The following MIPEP variants were observed in gnomAD, a reference collection of about 807,000 sequenced individuals.
The protein encoded by MIPEP is mitochondrial intermediate peptidase.
In MIPEP, 79 loss-of-function variants were observed where a neutral mutation model predicts 90.3. The ratio of observed to expected loss-of-function variants is 0.87; its 90% CI spans 0.73 to 1.05. The LOEUF is 1.05. Ranked by LOEUF, MIPEP falls within the 50% of genes least tolerant of loss-of-function variation. The probability of loss-of-function intolerance (pLI) is 0.00; values close to 1 mark genes in which losing one functional copy is unlikely to be tolerated. For missense variants in MIPEP, 940 were observed against 905.6 expected (o/e 1.04, Z -0.49); for synonymous variants, 334 against 315.8 (o/e 1.06, Z -0.61).
intron 14 of MIPEP, among the ~76,000 whole-genome samples, chr13:23,830,264 C>T (rs1441501781): frequency 6.6e-6 from 1 of 152,078 alleles, no homozygotes; most frequent in African/African-American, 2.4e-5. Context: ...CAGCTACATG[C>T]AACACAGATT....
At chr13:23,806,113 C>T (rs1305469858) in intron 15 of MIPEP, 44 bp from the exon 16 acceptor site, 1 of 1,609,374 alleles carries the variant, frequency 6.2e-7, no homozygotes, top group Non-Finnish European at 8.5e-7. Context: ...CGTCCATCCT[C>T]ACATCAAGAT....
chr13:23,737,091 T>A (rs1952273410), intron 18 of MIPEP, among the ~76,000 whole-genome samples: 2 of 152,244 alleles, frequency 1.3e-5, no homozygotes, highest in South Asian at 4.1e-4. Context: ...CATTATTTCC[T>A]GATGCCACCC....
At chr13:23,878,979 G>A (rs1397173159) in intron 4 of MIPEP, among the ~76,000 whole-genome samples, 1 of 152,206 alleles carries the variant, frequency 6.6e-6, no homozygotes. Context: ...GGAGCTTGCA[G>A]TCTGGTGAGA....
At chr13:23,804,721 T>C (rs1328232669) in intron 16 of MIPEP, among the ~76,000 whole-genome samples, 1 of 152,232 alleles carries the variant, frequency 6.6e-6, no homozygotes, top group Non-Finnish European at 1.5e-5. Flanking sequence ...TCTCTTCCCA[T>C]GCATATTTGA....
intron 5 of MIPEP, among the ~76,000 whole-genome samples, chr13:23,871,915 G>GA (rs1004237820): frequency 3.3e-4 from 49 of 147,622 alleles, no homozygotes; most frequent in African/African-American, 7.9e-4. Context: ...CTTTTACTTT[G>GA]AAAAAAAAAA....
intron 16 of MIPEP, among the ~76,000 whole-genome samples, chr13:23,803,419 T>C (rs982147530): frequency 6.6e-6 from 1 of 152,174 alleles, no homozygotes; most frequent in African/African-American, 2.4e-5. Flanking sequence ...AAAATTCTTT[T>C]GTATTATCTT....
chr13:23,879,204 G>A lies in MIPEP; in HGVS notation c.539+64C>T, dbSNP rs898480016. ...GGCTGCAAGTACAGAGGCCCTGAGGGAGAGTCTCCCAACCTCACCTCTAGA... is the reference window on the plus strand; with the variant it reads ...GGCTGCAAGTACAGAGGCCCTGAGGAAGAGTCTCCCAACCTCACCTCTAGA... On this transcript the variant is annotated intron_variant, in intron 4 of 18. Transcript: ENST00000382172. 6 of 945,964 alleles carry A rather than the reference G, an allele frequency of 6.3e-6. No homozygotes were observed. In the East Asian group the frequency reaches 7.2e-5, roughly 11 times the overall value. 58.6% of individuals were successfully genotyped at this position (945,964 alleles called of 1,614,324 possible).
At chr13:23,831,770 C>T (rs1405165214) in intron 14 of MIPEP, among the ~76,000 whole-genome samples, 1 of 152,192 alleles carries the variant, frequency 6.6e-6, no homozygotes, top group Non-Finnish European at 1.5e-5. Context: ...CCTACCAATA[C>T]CACCATGTTG....
intron 18 of MIPEP, among the ~76,000 whole-genome samples, chr13:23,743,798 C>A (rs1160680437): frequency 6.6e-6 from 1 of 152,196 alleles, no homozygotes; most frequent in Non-Finnish European, 1.5e-5. Flanking sequence ...ATTAAACACG[C>A]ACACACCCTC....
intron 18 of MIPEP, among the ~76,000 whole-genome samples, chr13:23,731,557 G>C (rs1952204719): frequency 6.6e-6 from 1 of 152,156 alleles, no homozygotes; most frequent in African/African-American, 2.4e-5. Flanking sequence ...AAAACCGCAT[G>C]AAGTATCTTT....
chr13:23,815,574 G>T (rs766531130), intron 14 of MIPEP, among the ~76,000 whole-genome samples: 1 of 152,168 alleles, frequency 6.6e-6, no homozygotes, highest in Admixed American at 6.5e-5. Flanking sequence ...TTCCCAAACT[G>T]CTGGGATTAC....
chr13:23,790,596 G>A (rs1288765221), intron 16 of MIPEP, among the ~76,000 whole-genome samples: 3 of 149,736 alleles, frequency 2.0e-5, no homozygotes, highest in African/African-American at 7.3e-5. Context: ...AGGAGGGGGA[G>A]GCAATGTGAT....
intron 16 of MIPEP, among the ~76,000 whole-genome samples, chr13:23,775,595 T>A (rs778778375): frequency 1.3e-5 from 2 of 152,184 alleles, no homozygotes; most frequent in Non-Finnish European, 2.9e-5. Context: ...GTAGGGTCTA[T>A]GTGCATATAT....
chr13:23,881,565 AC>A, intron 3 of MIPEP, 133 bp downstream of exon 3: 1 of 721,758 alleles, frequency 1.4e-6, no homozygotes, highest in Non-Finnish European at 2.4e-6. Context: ...CCCTCCGGCC[AC>A]CCCTGGTCAC....
At chr13:23,788,013 T>C (rs1274747431) in intron 16 of MIPEP, among the ~76,000 whole-genome samples, 1 of 152,196 alleles carries the variant, frequency 6.6e-6, no homozygotes, top group Non-Finnish European at 1.5e-5. Context: ...GGGAGTCAGC[T>C]GGAGGAGGGT....
At chr13:23,748,981 G>A (rs373753297) in intron 18 of MIPEP, among the ~76,000 whole-genome samples, 9 of 152,346 alleles carry the variant, frequency 5.9e-5, no homozygotes, top group East Asian at 1.9e-4. Context: ...TGCATTTACT[G>A]TTCTCCTACA....
At chr13:23,886,172 T>C (rs192814179) in intron 2 of MIPEP, among the ~76,000 whole-genome samples, 161 bp downstream of exon 2, 26 of 152,158 alleles carry the variant, frequency 1.7e-4, no homozygotes, top group Non-Finnish European at 1.2e-4. Context: ...CCATTCCTAA[T>C]GACATATTTC....
At chr13:23,817,665 G>T (rs1430606098) in intron 14 of MIPEP, among the ~76,000 whole-genome samples, 1 of 152,124 alleles carries the variant, frequency 6.6e-6, no homozygotes, top group African/African-American at 2.4e-5. Context: ...CAAGAAGGTG[G>T]AGTCTGTGAG....
chr13:23,834,001 G>A (rs938176251), intron 14 of MIPEP, among the ~76,000 whole-genome samples: 1 of 152,114 alleles, frequency 6.6e-6, no homozygotes, highest in African/African-American at 2.4e-5. Flanking sequence ...TCGGAAGCAG[G>A]ATGCCCCTTT....
Sources: allele counts gnomAD v4.1 joint callset (sites outside exome capture counted in the v4.1 genomes callset), GRCh38; gene constraint gnomAD v4.1.1; transcripts MANE v1.5; gene names NCBI Gene and HGNC (gene_info 2026-07-23, HGNC 2026-07-21).